The following GRM8 variants were observed in gnomAD, a reference collection of about 807,000 sequenced individuals.
GRM8 encodes metabotropic glutamate receptor 8.
A neutral mutation model predicts 87.2 loss-of-function variants in GRM8; 47 were observed. The observed-to-expected ratio is 0.54, with a 90% CI of 0.43 to 0.69. GRM8 has a LOEUF of 0.69. GRM8 is among the 30% of genes least tolerant of loss of function. GRM8 has a pLI of 0.00. For synonymous variants in GRM8, 396 were observed against 404.5 expected, an observed-to-expected ratio of 0.98 and a Z score of 0.25; for missense variants, 1,019 against 1,139.2, an observed-to-expected ratio of 0.89 and a Z score of 1.52.
At chr7:126,710,981 T>G (rs1233440296) in intron 7 of GRM8, among the ~76,000 whole-genome samples, 1 of 152,200 alleles carries the variant, frequency 6.6e-6, no homozygotes. Context: ...GAGACAGGCC[T>G]GGCCAACACA....
intron 2 of GRM8, among the ~76,000 whole-genome samples, chr7:127,170,725 T>C (rs1026608633): frequency 3.3e-5 from 5 of 152,092 alleles, no homozygotes; most frequent in Admixed American, 2.6e-4. Context: ...GTAGTCTAAG[T>C]GAAGTTAAGT....
intron 7 of GRM8, among the ~76,000 whole-genome samples, chr7:126,763,573 CT>C (rs949954209): frequency 1.7e-4 from 25 of 150,650 alleles, no homozygotes; most frequent in African/African-American, 6.1e-4. Flanking sequence ...TATCACATGT[CT>C]ATTTTGGTAC....
chr7:126,912,794 T>C (rs1803456035), intron 3 of GRM8, among the ~76,000 whole-genome samples: 1 of 152,234 alleles, frequency 6.6e-6, no homozygotes. Flanking sequence ...AATGAAGATA[T>C]CATTTTTCTG....
intron 8 of GRM8, among the ~76,000 whole-genome samples, chr7:126,573,832 C>T (rs1318592354): frequency 6.6e-6 from 1 of 152,092 alleles, no homozygotes; most frequent in Non-Finnish European, 1.5e-5. Context: ...GGTGATCCAT[C>T]CACCTTGGCT....
intron 8 of GRM8, among the ~76,000 whole-genome samples, chr7:126,571,865 C>T (rs888907318): frequency 1.3e-5 from 2 of 151,944 alleles, no homozygotes; most frequent in East Asian, 1.9e-4. Context: ...CTCAGCCTCC[C>T]GAGTAGCTGG....
At position 127,101,485 on chromosome 7, in the gene GRM8, G is replaced by A. The variant is rs192940364; in HGVS notation, c.727+5011C>T. Among the ~76,000 whole-genome samples the A allele has an allele frequency of 1.8e-4, 28 of 152,264 alleles. No homozygotes were observed. In the East Asian group the frequency reaches 3.9e-3, roughly 21 times the overall value. ...ATGGCTTGGTGCTATCTTCAGGATG[G>A]TGAGTTCCCACAAGATCTGGTTGCT... On this transcript the variant is annotated intron_variant, in intron 3 of 10. Coordinates refer to ENST00000339582, the MANE Select transcript of GRM8 (RefSeq NM_000845.3).
In GRM8 at chr7:126,533,396, G is replaced by T; in HGVS notation, c.1986C>A (p.Ser662Arg). 6.2e-7 allele frequency: 1 copy of T among 1,614,008 alleles called. No individual in the cohort carries two copies. The highest frequency in any genetic ancestry group is 8.5e-7 in the Non-Finnish European group (1 of 1,179,980). ...RVFLGLGMCF[S>R]YAALLTKTNR... is the part of the protein sequence containing the mutation. ...TTGTTTTGGTCAGAAGGGCTGCATA[G>T]CTGAAACACATGCCAAGTCCTAGGA... Residue 662 changes from serine (S) to arginine (R), a missense_variant, in exon 9 of 11, where the codon AGC becomes AGA. Ser to Arg is a moderately radical substitution (Grantham distance 110, BLOSUM62 -1). Coordinates refer to ENST00000339582, the MANE Select transcript of GRM8 (RefSeq NM_000845.3).
chr7:126,941,630 A>AAG (rs1563337638), intron 3 of GRM8, among the ~76,000 whole-genome samples: 1 of 151,870 alleles, frequency 6.6e-6, no homozygotes, highest in African/African-American at 2.4e-5. Flanking sequence ...AAAAAAAAAA[A>AAG]AAAGAAAGAA....
intron 3 of GRM8, among the ~76,000 whole-genome samples, chr7:127,093,789 G>C (rs1824380365): frequency 6.6e-6 from 1 of 152,138 alleles, no homozygotes; most frequent in Admixed American, 6.5e-5. Flanking sequence ...GACCCCCAAT[G>C]AATCATGAAA....
chr7:126,689,257 T>C (rs1808531063), intron 7 of GRM8, among the ~76,000 whole-genome samples: 1 of 152,206 alleles, frequency 6.6e-6, no homozygotes, highest in East Asian at 1.9e-4. Context: ...GCCTGTTCCT[T>C]AACCAAATGA....
intron 6 of GRM8, among the ~76,000 whole-genome samples, chr7:126,828,831 G>A (rs1456367386): frequency 6.6e-6 from 1 of 151,892 alleles, no homozygotes; most frequent in African/African-American, 2.4e-5. Flanking sequence ...TTTCTCTTGT[G>A]GGCATTTAGT....
At chr7:126,818,959 CT>C (rs1417466432) in intron 6 of GRM8, among the ~76,000 whole-genome samples, 1 of 152,074 alleles carries the variant, frequency 6.6e-6, no homozygotes, top group Non-Finnish European at 1.5e-5. Flanking sequence ...TTACCAACCC[CT>C]GTCACTTCCA....
intron 3 of GRM8, among the ~76,000 whole-genome samples, chr7:126,939,601 T>A (rs1454342260): frequency 6.6e-6 from 1 of 152,234 alleles, no homozygotes; most frequent in South Asian, 2.1e-4. Context: ...TACCTCATCA[T>A]AAGAAAATTG....
Position 126,813,084 on chromosome 7 carries a change from T to C in GRM8, c.1157-43019A>G, listed in dbSNP as rs1489114912. 3.9e-5 allele frequency among the ~76,000 whole-genome samples: 6 copies of C among 152,044 alleles called. No homozygotes were observed. The South Asian group carries it at 1.0e-3, about 26-fold the overall frequency. On this transcript the variant is annotated intron_variant, in intron 6 of 10. Transcript: ENST00000339582. ...GGAACTAAGCTTAATACCTGGGTGA[T>C]GAAATAATCTGTACAACAAACCCCT...
At chr7:126,506,272 CAT>C (rs910564171) in intron 9 of GRM8, among the ~76,000 whole-genome samples, 31 of 151,898 alleles carry the variant, frequency 2.0e-4, no homozygotes, top group Admixed American at 3.9e-4. Flanking sequence ...CACACACACA[CAT>C]ATATATGTCA....
chr7:126,555,892 T>C (rs530059291), intron 8 of GRM8, among the ~76,000 whole-genome samples: 38 of 152,180 alleles, frequency 2.5e-4, no homozygotes, highest in Non-Finnish European at 2.6e-4. Flanking sequence ...AGAAATTTGA[T>C]TGACTGTAAA....
At chr7:126,494,803 G>A (rs1010619242) in intron 9 of GRM8, among the ~76,000 whole-genome samples, 5 of 151,938 alleles carry the variant, frequency 3.3e-5, no homozygotes, top group Non-Finnish European at 7.4e-5. Context: ...ATACTCTGCT[G>A]GCTTAGTTTA....
At chr7:127,073,421 G>A (rs952790892) in intron 3 of GRM8, among the ~76,000 whole-genome samples, 19 of 152,254 alleles carry the variant, frequency 1.2e-4, no homozygotes, top group Admixed American at 3.3e-4. Flanking sequence ...GTTTTGAGAA[G>A]ACAGATACTT....
At chr7:126,844,518 T>C (rs1275826726) in intron 6 of GRM8, among the ~76,000 whole-genome samples, 1 of 152,180 alleles carries the variant, frequency 6.6e-6, no homozygotes, top group Non-Finnish European at 1.5e-5. Flanking sequence ...GTGAAGTAGG[T>C]ATTATTATTT....
Sources: allele counts gnomAD v4.1 joint callset (sites outside exome capture counted in the v4.1 genomes callset), GRCh38; gene constraint gnomAD v4.1.1; transcripts MANE v1.5; gene names NCBI Gene and HGNC (gene_info 2026-07-23, HGNC 2026-07-21).